The following RNF216 variants were observed in gnomAD, a reference collection of about 807,000 sequenced individuals.
RNF216 encodes the protein ring finger protein 216.
A neutral mutation model predicts 110.8 loss-of-function variants in RNF216; 72 were observed. That is an observed-to-expected ratio of 0.65 (90% CI 0.54 to 0.79). The LOEUF is 0.79. Among genes scored for constraint, RNF216 ranks in the 30% least tolerant of loss-of-function variants. The pLI, the probability that RNF216 is intolerant of heterozygous loss-of-function variation, is 0.00. For synonymous variants in RNF216, 495 were observed against 407.5 expected, an observed-to-expected ratio of 1.21 and a Z score of -2.59; for missense variants, 1,342 against 1,141.2, an observed-to-expected ratio of 1.18 and a Z score of -2.54.
chr7:5,762,036 G>A (rs911793386), intron 1 of RNF216, among the ~76,000 whole-genome samples: 5 of 152,092 alleles, frequency 3.3e-5, no homozygotes, highest in East Asian at 3.9e-4. Flanking sequence ...TAGAATATAC[G>A]GACAGGGATG....
intron 13 of RNF216, among the ~76,000 whole-genome samples, chr7:5,688,724 T>C (rs1002372959): frequency 6.6e-6 from 1 of 151,984 alleles, no homozygotes; most frequent in Admixed American, 6.6e-5. Context: ...ATCAGGCTTG[T>C]CTTATTTTTT....
At chr7:5,706,258 A>G (rs2128624790) in intron 13 of RNF216, among the ~76,000 whole-genome samples, 1 of 152,202 alleles carries the variant, frequency 6.6e-6, no homozygotes, top group South Asian at 2.1e-4. Flanking sequence ...AAAACACACA[A>G]TACAAAAACT....
At chr7:5,750,226 G>A (rs895972519) in intron 3 of RNF216, among the ~76,000 whole-genome samples, 13 of 152,332 alleles carry the variant, frequency 8.5e-5, no homozygotes, top group African/African-American at 3.1e-4. Flanking sequence ...CTTACAGTGA[G>A]TAAATCTGTC....
intron 13 of RNF216, among the ~76,000 whole-genome samples, chr7:5,661,603 G>C (rs1055386027): frequency 6.6e-6 from 1 of 152,138 alleles, no homozygotes; most frequent in East Asian, 1.9e-4. Flanking sequence ...AGGAGTTTGA[G>C]ACCAGCCTGG....
intron 5 of RNF216, among the ~76,000 whole-genome samples, chr7:5,736,218 C>A (rs1339041742): frequency 6.6e-6 from 1 of 152,168 alleles, no homozygotes; most frequent in Non-Finnish European, 1.5e-5. Flanking sequence ...AACCTCCCTG[C>A]CTGATTCTCC....
chr7:5,680,674 T>C lies in RNF216; in HGVS notation c.2062-28164A>G, dbSNP rs1398271206. ...GACTCGGCCTCCCAAAGTGCTGGGA[T>C]TACAGGTGTGAGCCACCGCGCCCAG... On this transcript the variant is annotated intron_variant, in intron 13 of 16. Coordinates refer to ENST00000389902, the MANE Select transcript of RNF216 (RefSeq NM_207111.4). The surrounding 1 kb of genome is among the most constrained non-coding windows in gnomAD (Gnocchi z 4.3). Among the ~76,000 whole-genome samples, 1 of 152,068 alleles carries C rather than the reference T, an allele frequency of 6.6e-6. No individual in the cohort carries two copies. Among genetic ancestry groups the C allele is most frequent in the Non-Finnish European group, 1.5e-5 (1 of 68,016 alleles).
intron 13 of RNF216, among the ~76,000 whole-genome samples, chr7:5,708,953 A>G (rs933462696): frequency 6.6e-6 from 1 of 152,206 alleles, no homozygotes; most frequent in Non-Finnish European, 1.5e-5. Context: ...GGCGCAGTAC[A>G]AACCACCCAG....
chr7:5,662,378 C>T (rs1584401595), intron 13 of RNF216: 1 of 152,142 alleles, frequency 6.6e-6, no homozygotes. Flanking sequence ...TGAAAGTGTT[C>T]CATAGTCACT....
chr7:5,657,498 T>C (rs1003808292), intron 13 of RNF216, among the ~76,000 whole-genome samples: 6 of 151,358 alleles, frequency 4.0e-5, no homozygotes, highest in Non-Finnish European at 7.4e-5. Context: ...ACCCAGGAGG[T>C]AGTGGTTGCG....
rs776919008 is a variant in RNF216, at chr7:5,739,262, G to C, written c.1121+14C>G. On this transcript the variant is annotated intron_variant, in intron 5 of 16. Coordinates refer to ENST00000389902, the MANE Select transcript of RNF216 (RefSeq NM_207111.4). Reference sequence around the variant, plus strand: ...ACCACCACCACCACAAAAAAAGCATGGTAGTATACTTACACATTCAGATCA... The same window carrying C: ...ACCACCACCACCACAAAAAAAGCATCGTAGTATACTTACACATTCAGATCA... 4.8e-5 allele frequency: 74 copies of C among 1,537,310 alleles called. No homozygotes were observed. The highest frequency in any genetic ancestry group is 6.2e-5 in the Non-Finnish European group (71 of 1,147,812).
chr7:5,711,645 G>T, intron 13 of RNF216, 116 bp downstream of exon 13: 1 of 791,378 alleles, frequency 1.3e-6, no homozygotes, highest in Non-Finnish European at 2.1e-6. Flanking sequence ...GAAAAGGAAA[G>T]CACTCAAATC....
intron 1 of RNF216, among the ~76,000 whole-genome samples, chr7:5,781,312 C>G (rs1212659494): frequency 1.3e-5 from 2 of 152,236 alleles, no homozygotes; most frequent in South Asian, 2.1e-4. Flanking sequence ...CCCGGCCGCT[C>G]AGCGCCTTTG....
intron 13 of RNF216, among the ~76,000 whole-genome samples, chr7:5,683,195 G>T (rs1365183530): frequency 6.6e-6 from 1 of 152,066 alleles, no homozygotes; most frequent in Non-Finnish European, 1.5e-5. Context: ...CATGGTAGAA[G>T]GAATGAAGAC....
At chr7:5,780,229 C>T (rs950350386) in intron 1 of RNF216, 10 of 152,194 alleles carry the variant, frequency 6.6e-5, no homozygotes, top group Non-Finnish European at 5.9e-5. Context: ...AGGGAAGAAA[C>T]CCCATTTTTG....
chr7:5,670,936 C>T (rs1328917083), intron 13 of RNF216, among the ~76,000 whole-genome samples: 1 of 152,212 alleles, frequency 6.6e-6, no homozygotes, highest in Non-Finnish European at 1.5e-5. Context: ...CACCATGCCT[C>T]TCCCTTCCCT....
chr7:5,644,593 CCTCCTGGG>C (rs1787939462), intron 14 of RNF216, among the ~76,000 whole-genome samples: 2 of 151,856 alleles, frequency 1.3e-5, no homozygotes, highest in African/African-American at 4.8e-5. Context: ...GCAACTTCCG[CCTCCTGGG>C]CTCAAGTGAT....
intron 13 of RNF216, among the ~76,000 whole-genome samples, chr7:5,692,184 C>T (rs563426856): frequency 2.6e-4 from 39 of 152,314 alleles, no homozygotes; most frequent in African/African-American, 9.1e-4. Context: ...AACTATGAAT[C>T]GAGGCTGGCA....
chr7:5,702,989 C>T (rs1024570718), intron 13 of RNF216, among the ~76,000 whole-genome samples: 2 of 152,176 alleles, frequency 1.3e-5, no homozygotes, highest in Non-Finnish European at 2.9e-5. Context: ...CATGATATAC[C>T]TGTAAGGGAG....
chr7:5,730,639 A>G, intron 6 of RNF216, 76 bp downstream of exon 6: 1 of 1,593,358 alleles, frequency 6.3e-7, no homozygotes, highest in Non-Finnish European at 8.5e-7. Context: ...CTTCCCACAG[A>G]GATAACAACA....
Sources: allele counts gnomAD v4.1 joint callset (sites outside exome capture counted in the v4.1 genomes callset), GRCh38; gene constraint gnomAD v4.1.1; non-coding constraint Gnocchi (gnomAD v3.1); transcripts MANE v1.5; gene names NCBI Gene and HGNC (gene_info 2026-07-23, HGNC 2026-07-21).